CACNB2: variants seen among roughly 807,000 people sequenced by gnomAD.
CACNB2 encodes calcium voltage-gated channel auxiliary subunit beta 2.
A neutral mutation model predicts 73.3 loss-of-function variants in CACNB2; 42 were observed. The observed-to-expected ratio is 0.57, with a 90% CI of 0.45 to 0.74. CACNB2 has a LOEUF of 0.74. Ranked by LOEUF, CACNB2 falls within the 30% of genes least tolerant of loss-of-function variation. The probability of loss-of-function intolerance (pLI) is 0.00; values close to 1 mark genes in which losing one functional copy is unlikely to be tolerated. For missense variants in CACNB2, 940 were observed against 853.0 expected (o/e 1.10, Z -1.27); for synonymous variants, 348 against 310.3 (o/e 1.12, Z -1.28).
chr10:18,381,581 G>C (rs985671577), intron 2 of CACNB2, among the ~76,000 whole-genome samples: 1 of 151,302 alleles, frequency 6.6e-6, no homozygotes, highest in South Asian at 2.1e-4. Flanking sequence ...CCAGCTACTG[G>C]GGTGGCTGAG....
At position 18,267,486 on chromosome 10, in the gene CACNB2, A is replaced by T. The variant is rs182468798; in HGVS notation, c.213+116511A>T. On this transcript the variant is annotated intron_variant, in intron 2 of 13. Transcript: ENST00000324631. The stretch of plus-strand genomic sequence containing the variant: ...CCAGGTGTGGTGGCGGGCACCTGTA[A>T]TCCCAGTTACTCAGGAGGCTGAGGC... Among the ~76,000 whole-genome samples the T allele has an allele frequency of 2.8e-3, 420 of 152,128 alleles. 4 individuals are homozygous for T. The highest frequency in any genetic ancestry group is 9.8e-3 in the African/African-American group (405 of 41,518).
At chr10:18,350,291 T>A (rs1647194257) in intron 2 of CACNB2, among the ~76,000 whole-genome samples, 2 of 152,108 alleles carry the variant, frequency 1.3e-5, no homozygotes, top group African/African-American at 4.8e-5. Flanking sequence ...ATAATTCTCA[T>A]AACAACCCAG....
At chr10:18,499,613 C>CAAAAA (rs1336112573) in intron 4 of CACNB2, among the ~76,000 whole-genome samples, 2 of 21,376 alleles carry the variant, frequency 9.4e-5, no homozygotes, top group Admixed American at 6.3e-4. Flanking sequence ...GATTCTGTCT[C>CAAAAA]AAAGAAAAAA....
intron 2 of CACNB2, among the ~76,000 whole-genome samples, chr10:18,275,388 C>T (rs374899757): frequency 6.6e-6 from 1 of 152,134 alleles, no homozygotes; most frequent in Admixed American, 6.6e-5. Context: ...GGGATAGATA[C>T]AAGAGACTCC....
chr10:18,457,051 G>T (rs1046262097), intron 3 of CACNB2, among the ~76,000 whole-genome samples: 7 of 152,004 alleles, frequency 4.6e-5, no homozygotes, highest in Non-Finnish European at 8.8e-5. Context: ...TGTCAGTAAT[G>T]ATGCTATGAG....
At chr10:18,478,056 C>T (rs1010167391) in intron 3 of CACNB2, among the ~76,000 whole-genome samples, 17 of 152,080 alleles carry the variant, frequency 1.1e-4, no homozygotes, top group Non-Finnish European at 1.8e-4. Flanking sequence ...CTCAGCCTCG[C>T]GGGTAGCTGG....
intron 5 of CACNB2, among the ~76,000 whole-genome samples, chr10:18,504,925 G>T (rs185692464): frequency 6.6e-6 from 1 of 152,138 alleles, no homozygotes; most frequent in African/African-American, 2.4e-5. Context: ...GATTACAGGC[G>T]TGAGCCACCG....
intron 3 of CACNB2, among the ~76,000 whole-genome samples, chr10:18,442,213 G>A (rs893162995): frequency 2.0e-5 from 3 of 151,890 alleles, no homozygotes; most frequent in East Asian, 2.0e-4. Context: ...ACAATGGCGC[G>A]ATCTCTACTC....
chr10:18,265,810 A>G (rs1431501853), intron 2 of CACNB2, among the ~76,000 whole-genome samples: 1 of 152,194 alleles, frequency 6.6e-6, no homozygotes. Context: ...GTTGTTTTTG[A>G]AAAATGAGTA....
intron 2 of CACNB2, among the ~76,000 whole-genome samples, chr10:18,331,006 A>G (rs2040779682): frequency 7.4e-6 from 1 of 134,758 alleles, no homozygotes; most frequent in Non-Finnish European, 1.6e-5. Context: ...TTTTTTTTGG[A>G]AACCGAGTCT....
chr10:18,407,134 T>TTTTTTTTTTC (rs2044340963), intron 3 of CACNB2, among the ~76,000 whole-genome samples: 1 of 125,534 alleles, frequency 8.0e-6, no homozygotes, highest in Non-Finnish European at 1.7e-5. Context: ...TTTTTTTTTT[T>TTTTTTTTTTC]TTTTTTGAGA....
At chr10:18,163,446 C>A (rs2032618497) in intron 2 of CACNB2, among the ~76,000 whole-genome samples, 1 of 152,116 alleles carries the variant, frequency 6.6e-6, no homozygotes, top group South Asian at 2.1e-4. Context: ...TGATTCTAGA[C>A]CCTTAGTGCA....
chr10:18,450,461 C>T lies in CACNB2; in HGVS notation c.334-47894C>T, dbSNP rs75889336. ...ATGTCGAAACAGTGTGATGGGGGAG[C>T]TCACACGTGGTTGCAGTTGAAGGCA... On this transcript the variant is annotated intron_variant, in intron 3 of 13. Transcript: ENST00000324631. 2.6e-3 allele frequency among the ~76,000 whole-genome samples: 397 copies of T among 152,054 alleles called. 9 individuals carry two copies. The East Asian group carries it at 0.053, about 20-fold the overall frequency.
rs759289370 is a variant in CACNB2 at position 18,140,793 on chromosome 10, G to C, written c.57G>C (p.Gln19His). ...CCACAGCGGCGGCGGCGGTGGCGCA[G>C]GAGATCCAGATGGAACTGCTAGAGA... ...SPPTAAAAVA[Q>H]EIQMELLENV... Residue 19 changes from glutamine (Q) to histidine (H), a missense_variant, in exon 1 of 14, where the codon CAG becomes CAC. By Grantham distance (24) the Gln-to-His change is conservative. Coordinates refer to ENST00000324631, the MANE Select transcript of CACNB2 (RefSeq NM_201596.3). 1.2e-6 allele frequency: 2 copies of C among 1,602,330 alleles called. No individual in the cohort carries two copies. Among genetic ancestry groups the C allele is most frequent in the Non-Finnish European group, 1.7e-6 (2 of 1,175,990 alleles).
At chr10:18,369,123 C>T (rs7072176) in intron 2 of CACNB2, among the ~76,000 whole-genome samples, 46,347 of 151,812 alleles carry the variant, frequency 0.31, 7,519 homozygotes, top group East Asian at 0.69. Context: ...GTGTTTATTC[C>T]TTAAAATGAG....
chr10:18,322,671 A>G (rs2040436579), intron 2 of CACNB2, among the ~76,000 whole-genome samples: 1 of 152,182 alleles, frequency 6.6e-6, no homozygotes, highest in Non-Finnish European at 1.5e-5. Flanking sequence ...AATAATGACT[A>G]TATTTGTGAA....
At position 18,152,455 on chromosome 10, in the gene CACNB2, G is replaced by A. The variant is rs368972903; in HGVS notation, c.213+1480G>A. Among the ~76,000 whole-genome samples the A allele has an allele frequency of 5.7e-4, 86 of 152,180 alleles. 1 individual carries two copies. In the South Asian group the frequency reaches 0.017, roughly 30 times the overall value. ...GTTCTAATGGTGTCAGCAGGAGCTA[G>A]GAAGGCTGTCAGAGGAGTGGAAGGT... On this transcript the variant is annotated intron_variant, in intron 2 of 13. Coordinates refer to ENST00000324631, the MANE Select transcript of CACNB2 (RefSeq NM_201596.3).
At chr10:18,454,507 G>T (rs368929060) in intron 3 of CACNB2, among the ~76,000 whole-genome samples, 19 of 123,322 alleles carry the variant, frequency 1.5e-4, no homozygotes, top group African/African-American at 4.9e-4. Flanking sequence ...GAGTAAGATT[G>T]TTTTTTTACC....
At chr10:18,378,545 T>A (rs1480633824) in intron 2 of CACNB2, among the ~76,000 whole-genome samples, 2 of 152,170 alleles carry the variant, frequency 1.3e-5, no homozygotes, top group Admixed American at 1.3e-4. Flanking sequence ...GCCCAGAAGT[T>A]GGAGACCAGC....
Sources: allele counts gnomAD v4.1 joint callset (sites outside exome capture counted in the v4.1 genomes callset), GRCh38; gene constraint gnomAD v4.1.1; transcripts MANE v1.5; gene names NCBI Gene and HGNC (gene_info 2026-07-23, HGNC 2026-07-21).